The following GALNT7 variants were observed in gnomAD, a reference collection of about 807,000 sequenced individuals.
GALNT7 encodes N-acetylgalactosaminyltransferase 7.
In GALNT7, 60 loss-of-function variants were observed where a neutral mutation model predicts 82.1. That is an observed-to-expected ratio of 0.73 (90% confidence interval 0.59 to 0.91). The LOEUF (loss-of-function observed/expected upper bound fraction) is 0.91, where lower values mean the gene tolerates loss of function less well. Ranked by LOEUF, GALNT7 falls within the 40% of genes least tolerant of loss-of-function variation. GALNT7 has a pLI of 0.00. For synonymous variants in GALNT7, 243 were observed against 275.1 expected, an observed-to-expected ratio of 0.88 and a Z score of 1.15; for missense variants, 660 against 804.2, an observed-to-expected ratio of 0.82 and a Z score of 2.17.
chr4:173,252,807 A>G (rs935095730), intron 2 of GALNT7, among the ~76,000 whole-genome samples: 5 of 152,210 alleles, frequency 3.3e-5, no homozygotes, highest in Non-Finnish European at 7.3e-5. Context: ...GGGAGAAAGG[A>G]AAGAATGCCA....
chr4:173,176,220 A>C (rs1335836588), intron 1 of GALNT7, among the ~76,000 whole-genome samples: 1 of 152,220 alleles, frequency 6.6e-6, no homozygotes, highest in Non-Finnish European at 1.5e-5. Flanking sequence ...TTCCAGGCAG[A>C]GGGAACAGAA....
chr4:173,237,199 G>T (rs985665740), intron 1 of GALNT7, among the ~76,000 whole-genome samples: 7 of 152,152 alleles, frequency 4.6e-5, no homozygotes, highest in Non-Finnish European at 8.8e-5. Context: ...TTTCCCTGGG[G>T]TGGTTATTTT....
chr4:173,300,926 G>C (rs938058831), intron 6 of GALNT7, among the ~76,000 whole-genome samples: 2 of 152,036 alleles, frequency 1.3e-5, no homozygotes, highest in Non-Finnish European at 2.9e-5. Context: ...TTGAGCCCAG[G>C]AGTTCTAGAC....
In GALNT7 at chr4:173,191,232, G is replaced by T. The variant is rs574403078; in HGVS notation, c.126+22271G>T. 4.6e-5 allele frequency among the ~76,000 whole-genome samples: 7 copies of T among 152,206 alleles called. No homozygotes were observed. The East Asian group carries it at 5.8e-4, about 13-fold the overall frequency. ...TCAGATCTCTGGGGATGGGATGGGG[G>T]GGGTACTTGGCTGGCTGGCTGCCTG... On this transcript the variant is annotated intron_variant, in intron 1 of 11. Coordinates refer to ENST00000265000, the MANE Select transcript of GALNT7 (RefSeq NM_017423.3).
chr4:173,320,264 A>C lies in GALNT7; in HGVS notation c.1837-1316A>C, dbSNP rs1381440157. ...AATTTTTGAGCTCCCCCACCCCCAA[A>C]TTGCTTTTGTTTATATAGGTTATCA... On this transcript the variant is annotated intron_variant, in intron 11 of 11. Transcript: ENST00000265000. The surrounding 1 kb of genome is among the most constrained non-coding windows in gnomAD (Gnocchi z 4.1). Among the ~76,000 whole-genome samples, 1 of 151,968 alleles carries C rather than the reference A, an allele frequency of 6.6e-6. No homozygotes were observed. The highest frequency in any genetic ancestry group is 1.5e-5 in the Non-Finnish European group (1 of 67,986).
At chr4:173,237,651 A>G (rs111465227) in intron 1 of GALNT7, among the ~76,000 whole-genome samples, 2 of 152,228 alleles carry the variant, frequency 1.3e-5, no homozygotes, top group African/African-American at 4.8e-5. Context: ...GTGAAGGAGG[A>G]TTAAGAATTA....
At chr4:173,244,023 C>T (rs953925824) in intron 1 of GALNT7, among the ~76,000 whole-genome samples, 4 of 152,188 alleles carry the variant, frequency 2.6e-5, no homozygotes, top group African/African-American at 9.7e-5. Context: ...GACATAGCCT[C>T]TGCACTTTCA....
intron 1 of GALNT7, among the ~76,000 whole-genome samples, chr4:173,211,271 C>T (rs961983770): frequency 5.3e-5 from 8 of 152,170 alleles, no homozygotes; most frequent in Non-Finnish European, 8.8e-5. Flanking sequence ...TGCCTGTACC[C>T]TCACTAGATC....
At chr4:173,223,114 TA>T (rs1389227321) in intron 1 of GALNT7, among the ~76,000 whole-genome samples, 1 of 152,186 alleles carries the variant, frequency 6.6e-6, no homozygotes, top group Non-Finnish European at 1.5e-5. Context: ...GCAATCTTTT[TA>T]ACAAAAGATG....
chr4:173,171,187 G>T (rs1247905545), intron 1 of GALNT7, among the ~76,000 whole-genome samples: 9 of 152,130 alleles, frequency 5.9e-5, no homozygotes, highest in Non-Finnish European at 1.3e-4. Context: ...ATAAATAAGG[G>T]ATTATTGCCT....
At chr4:173,204,831 C>A (rs1166747698) in intron 1 of GALNT7, among the ~76,000 whole-genome samples, 1 of 152,064 alleles carries the variant, frequency 6.6e-6, no homozygotes, top group African/African-American at 2.4e-5. Flanking sequence ...CCTAGGAGAT[C>A]TTTTGTGTTC....
At chr4:173,277,692 G>A (rs181688290) in intron 2 of GALNT7, among the ~76,000 whole-genome samples, 22 of 152,298 alleles carry the variant, frequency 1.4e-4, no homozygotes, top group African/African-American at 4.6e-4. Flanking sequence ...TGTCTGCAAC[G>A]ATTAAAAAAT....
intron 2 of GALNT7, among the ~76,000 whole-genome samples, chr4:173,271,011 A>G (rs1406685616): frequency 6.6e-6 from 1 of 152,252 alleles, no homozygotes; most frequent in African/African-American, 2.4e-5. Context: ...TCCCCTCAGT[A>G]TAATTTGCAA....
intron 2 of GALNT7, among the ~76,000 whole-genome samples, chr4:173,249,726 T>C (rs960779593): frequency 6.6e-6 from 1 of 152,182 alleles, no homozygotes; most frequent in African/African-American, 2.4e-5. Flanking sequence ...ACTTAAAAAT[T>C]TTTTTAAATT....
intron 9 of GALNT7, chr4:173,316,230 A>T (rs988130531): frequency 6.6e-6 from 1 of 152,486 alleles, no homozygotes; most frequent in Non-Finnish European, 1.5e-5. Flanking sequence ...ACTGGTCCTC[A>T]GACTCCCTCC....
In GALNT7 at chr4:173,183,893, C is replaced by T. The variant is rs567240961; in HGVS notation, c.126+14932C>T. 5.6e-4 allele frequency among the ~76,000 whole-genome samples: 84 copies of T among 150,302 alleles called. No individual in the cohort carries two copies. The East Asian group carries it at 0.015, about 27-fold the overall frequency. ...CATCACTTCCCAGACGGGGCGGCTG[C>T]CGGGTGGAGGGGCTCCTCACTTCTC... is the stretch of plus-strand genomic sequence containing the variant. On this transcript the variant is annotated intron_variant, in intron 1 of 11. Transcript: ENST00000265000.
intron 1 of GALNT7, among the ~76,000 whole-genome samples, chr4:173,192,055 C>T (rs1393360393): frequency 2.0e-5 from 3 of 152,164 alleles, no homozygotes; most frequent in Admixed American, 6.5e-5. Context: ...GGAGAATTAA[C>T]TTCGTGCTTG....
Position 173,292,895 on chromosome 4 carries a change from C to T in GALNT7, c.754+621C>T, listed in dbSNP as rs1292391233. ...GGCTTTAAGATACTTTAAAACTTTT[C>T]TTCAGTTCTCATGTTAATGTCAAAT... On this transcript the variant is annotated intron_variant, in intron 3 of 11. Coordinates refer to ENST00000265000, the MANE Select transcript of GALNT7 (RefSeq NM_017423.3). This position sits in a 1 kb window ranked among gnomAD's most constrained non-coding sequence, Gnocchi z 4.8. Among the ~76,000 whole-genome samples, 1 of 151,840 alleles carries T rather than the reference C, an allele frequency of 6.6e-6. No homozygotes were observed. Among genetic ancestry groups the T allele is most frequent in the East Asian group, 1.9e-4 (1 of 5,178 alleles).
At chr4:173,280,498 A>G (rs1304484862) in intron 2 of GALNT7, among the ~76,000 whole-genome samples, 1 of 152,184 alleles carries the variant, frequency 6.6e-6, no homozygotes, top group Non-Finnish European at 1.5e-5. Flanking sequence ...CCTGACCCAG[A>G]TAGCTACCCT....
Sources: allele counts gnomAD v4.1 joint callset (sites outside exome capture counted in the v4.1 genomes callset), GRCh38; gene constraint gnomAD v4.1.1; non-coding constraint Gnocchi (gnomAD v3.1); transcripts MANE v1.5; gene names NCBI Gene and HGNC (gene_info 2026-07-23, HGNC 2026-07-21).